PCM1: variants seen among roughly 807,000 people sequenced by gnomAD.
PCM1 encodes the protein pericentriolar material 1, also known as pericentriolar material 1 protein.
In PCM1, 157 loss-of-function variants were observed where a neutral mutation model predicts 241.9. The ratio of observed to expected loss-of-function variants is 0.65; its 90% CI spans 0.57 to 0.74. The LOEUF (loss-of-function observed/expected upper bound fraction) is 0.74. PCM1 is among the 30% of genes least tolerant of loss of function. The pLI is 0.00. For synonymous variants in PCM1, 1,085 were observed against 784.9 expected (o/e 1.38, Z -6.39); for missense variants, 3,478 against 2,360.1 (o/e 1.47, Z -9.81).
At position 18,028,646 on chromosome 8, in the gene PCM1, A is replaced by C. The variant is rs1310644433; in HGVS notation, c.*984A>C. ...TTGAAAGTTTATGTGACTTTAAGTC[A>C]GCTTTTGAAAAGTGATTGATTTGCT... On this transcript the variant is annotated 3_prime_UTR_variant, in exon 39 of 39. Coordinates refer to ENST00000325083, the MANE Select transcript of PCM1 (RefSeq NM_006197.4). 2 of 158,082 alleles carry C rather than the reference A, an allele frequency of 1.3e-5. No individual in the cohort carries two copies. The highest frequency in any genetic ancestry group is 1.6e-4 in the East Asian group (2 of 12,730). 9.8% of individuals were successfully genotyped at this position (158,082 alleles called of 1,614,324 possible).
At chr8:17,993,181 G>A (rs1316938624) in intron 28 of PCM1, among the ~76,000 whole-genome samples, 2 of 151,716 alleles carry the variant, frequency 1.3e-5, no homozygotes. Flanking sequence ...TGTCTATAAG[G>A]GTGTCTCCAA....
intron 2 of PCM1, among the ~76,000 whole-genome samples, chr8:17,930,762 C>T (rs984173487): frequency 6.6e-6 from 1 of 151,918 alleles, no homozygotes; most frequent in African/African-American, 2.4e-5. Flanking sequence ...TGCCTGTAGT[C>T]CCAGCTATTG....
Position 17,950,622 on chromosome 8 carries a change from A to C in PCM1, c.969A>C (p.Ala323=). 6.3e-7 allele frequency: 1 copy of C among 1,578,466 alleles called. No homozygotes were observed. The highest frequency in any genetic ancestry group is 1.1e-5 in the South Asian group (1 of 88,222). Residue 323 remains alanine (A), a synonymous_variant, in exon 8 of 39, where the codon GCA becomes GCC. Coordinates refer to ENST00000325083, the MANE Select transcript of PCM1 (RefSeq NM_006197.4). ...AIAVMDDSVV[A]ETAGSLSGVS... is the part of the protein sequence containing the mutation. ...TTACTAATTTCTTTCCAGTTGTTGC[A>C]GAAACTGCAGGTAGCTTATCTGGCG...
intron 36 of PCM1, among the ~76,000 whole-genome samples, chr8:18,024,409 A>T (rs2093998904): frequency 6.6e-6 from 1 of 152,176 alleles, no homozygotes; most frequent in Non-Finnish European, 1.5e-5. Flanking sequence ...TATGATTCAT[A>T]ATTTCTTAGA....
At chr8:17,935,278 CTACTTT>C (rs992192624) in intron 2 of PCM1, among the ~76,000 whole-genome samples, 2 of 152,154 alleles carry the variant, frequency 1.3e-5, no homozygotes, top group Non-Finnish European at 2.9e-5. Flanking sequence ...GACACTTTTC[CTACTTT>C]ATTGTTCTAC....
intron 1 of PCM1, among the ~76,000 whole-genome samples, chr8:17,923,663 G>T (rs2055534571): frequency 6.6e-6 from 1 of 152,130 alleles, no homozygotes. Flanking sequence ...GTAGAAGGGC[G>T]GATGAGGAGC....
intron 3 of PCM1, 100 bp downstream of exon 3, chr8:17,935,806 C>A: frequency 1.6e-6 from 1 of 633,666 alleles, no homozygotes; most frequent in Non-Finnish European, 2.9e-6. Context: ...TTTGTATACA[C>A]TTGCTGGCCA....
At position 17,971,764 on chromosome 8, in the gene PCM1, C is replaced by T. The variant is rs530927243; in HGVS notation, c.3585-565C>T. The stretch of plus-strand genomic sequence containing the variant: ...TTCTTTTTGTTGTTTTTTCTAGAGG[C>T]AGGGTCTCACTTTGTTACCCAGGCA... On this transcript the variant is annotated intron_variant, in intron 22 of 38. Coordinates refer to ENST00000325083, the MANE Select transcript of PCM1 (RefSeq NM_006197.4). 1.3e-3 allele frequency among the ~76,000 whole-genome samples: 201 copies of T among 152,240 alleles called. 2 individuals are homozygous for T. The highest frequency in any genetic ancestry group is 4.5e-3 in the African/African-American group (189 of 41,546).
intron 29 of PCM1, among the ~76,000 whole-genome samples, chr8:18,004,361 A>G (rs2090636304): frequency 1.3e-5 from 2 of 152,178 alleles, no homozygotes; most frequent in African/African-American, 4.8e-5. Context: ...AGTGACACTC[A>G]TTTAATAGGT....
At chr8:17,993,706 C>T (rs145880040) in intron 29 of PCM1, 87 bp downstream of exon 29, 42 of 1,122,942 alleles carry the variant, frequency 3.7e-5, no homozygotes, top group East Asian at 5.4e-5. Context: ...TAAAGTTCAA[C>T]GGTATAGGTA....
chr8:17,973,773 G>C (rs2077669811), intron 23 of PCM1, among the ~76,000 whole-genome samples: 1 of 151,864 alleles, frequency 6.6e-6, no homozygotes, highest in Non-Finnish European at 1.5e-5. Flanking sequence ...TTATAATCAG[G>C]AAAGTTTGAA....
intron 7 of PCM1, among the ~76,000 whole-genome samples, chr8:17,950,011 G>A (rs1378451136): frequency 6.6e-6 from 1 of 151,826 alleles, no homozygotes; most frequent in African/African-American, 2.4e-5. Context: ...TTACTGCAGG[G>A]GTCAGCAAAC....
intron 30 of PCM1, among the ~76,000 whole-genome samples, chr8:18,007,929 A>C (rs902340586): frequency 1.3e-5 from 2 of 152,158 alleles, no homozygotes; most frequent in African/African-American, 4.8e-5. Flanking sequence ...GAAAAAGAGG[A>C]GTGGTTTTAC....
intron 22 of PCM1, among the ~76,000 whole-genome samples, chr8:17,971,995 T>C (rs1038056725): frequency 2.0e-5 from 3 of 152,158 alleles, no homozygotes; most frequent in African/African-American, 7.2e-5. Context: ...TCCTCCTGCC[T>C]CCGCCTTCCA....
At chr8:17,934,733 C>T (rs559866980) in intron 2 of PCM1, 1 of 152,286 alleles carries the variant, frequency 6.6e-6, no homozygotes, top group African/African-American at 2.4e-5. Context: ...TGTACAATTC[C>T]ACAGCTAGTG....
intron 26 of PCM1, among the ~76,000 whole-genome samples, chr8:17,986,838 A>T (rs1024775568): frequency 6.6e-6 from 1 of 151,826 alleles, no homozygotes; most frequent in Admixed American, 6.6e-5. Context: ...TACATGGGTA[A>T]GAGTTTCGTA....
intron 23 of PCM1, among the ~76,000 whole-genome samples, chr8:17,979,783 A>G (rs556989273): frequency 1.1e-5 from 1 of 91,214 alleles, no homozygotes; most frequent in Non-Finnish European, 2.3e-5. Flanking sequence ...ATTGTTTTTA[A>G]AATTAAAAAC....
intron 29 of PCM1, among the ~76,000 whole-genome samples, chr8:18,004,942 C>G (rs2090821764): frequency 6.6e-6 from 1 of 152,192 alleles, no homozygotes; most frequent in Admixed American, 6.5e-5. Context: ...CTTTCCCCCT[C>G]TAGCTACTCT....
intron 18 of PCM1, among the ~76,000 whole-genome samples, chr8:17,965,790 A>G (rs12056521): frequency 0.22 from 32,853 of 152,218 alleles, 3,867 homozygotes; most frequent in East Asian, 0.38. Context: ...AAAAACATAC[A>G]TGAAAAAGAC....
Sources: allele counts gnomAD v4.1 joint callset (sites outside exome capture counted in the v4.1 genomes callset), GRCh38; gene constraint gnomAD v4.1.1; transcripts MANE v1.5; gene names NCBI Gene and HGNC (gene_info 2026-07-23, HGNC 2026-07-21).